Variants in PARN observed in about 807,000 individuals in gnomAD.
PARN encodes poly(A)-specific ribonuclease, also known as poly(A)-specific ribonuclease PARN.
Under a neutral mutation model 102.8 loss-of-function variants are expected in PARN, and 71 were observed. That is an observed-to-expected ratio of 0.69 (90% confidence interval 0.57 to 0.84). The LOEUF (loss-of-function observed/expected upper bound fraction) is 0.84, where lower values mean the gene tolerates loss of function less well. PARN is among the 40% of genes least tolerant of loss of function. PARN has a pLI of 0.00. For missense variants in PARN, 782 were observed against 760.9 expected (o/e 1.03, Z -0.33); for synonymous variants, 261 against 252.9 (o/e 1.03, Z -0.30).
intron 21 of PARN, among the ~76,000 whole-genome samples, chr16:14,551,300 G>A (rs1024302003): frequency 2.0e-5 from 3 of 151,746 alleles, no homozygotes; most frequent in Non-Finnish European, 2.9e-5. Flanking sequence ...TGGGCATTGT[G>A]GCTCATGCCT....
In PARN at chr16:14,542,804, G is replaced by A. The variant is rs369290105; in HGVS notation, c.1480+9217C>T. Among the ~76,000 whole-genome samples, 18 of 152,192 alleles carry A rather than the reference G, an allele frequency of 1.2e-4. No homozygotes were observed. The East Asian group carries it at 3.3e-3, about 28-fold the overall frequency. On this transcript the variant is annotated intron_variant, in intron 21 of 23. Transcript: ENST00000437198. Reference sequence around the variant, plus strand: ...TGAAGAAGACAAAGAAACGAACACAGAAAAAAGGAACAGAGCATTAGGAAA... The same window carrying A: ...TGAAGAAGACAAAGAAACGAACACAAAAAAAAGGAACAGAGCATTAGGAAA...
At chr16:14,539,714 T>A (rs1966767686) in intron 21 of PARN, among the ~76,000 whole-genome samples, 1 of 152,234 alleles carries the variant, frequency 6.6e-6, no homozygotes, top group South Asian at 2.1e-4. Context: ...TAATAATGAT[T>A]CTCCTATAGC....
chr16:14,629,772 GA>G, intron 1 of PARN, 98 bp from the exon 2 acceptor site: 1 of 936,742 alleles, frequency 1.1e-6, no homozygotes, highest in Non-Finnish European at 1.7e-6. Flanking sequence ...CTGAGAGCCG[GA>G]AGGGGAAAAG....
At chr16:14,494,364 G>T (rs924359326) in intron 21 of PARN, among the ~76,000 whole-genome samples, 1 of 152,172 alleles carries the variant, frequency 6.6e-6, no homozygotes, top group African/African-American at 2.4e-5. Flanking sequence ...CATCACCCAC[G>T]GGCTGAGGGT....
At chr16:14,479,721 T>G (rs745961248) in intron 22 of PARN, among the ~76,000 whole-genome samples, 2 of 152,056 alleles carry the variant, frequency 1.3e-5, no homozygotes, top group African/African-American at 2.4e-5. Flanking sequence ...ACACGATCAG[T>G]TGATTCTTGA....
rs376772075 is a variant in PARN at position 14,436,694 on chromosome 16, G to T, written c.*23C>A. The T allele has an allele frequency of 5.7e-6, 9 of 1,573,794 alleles. No individual in the cohort carries two copies. Among genetic ancestry groups the T allele is most frequent in the Non-Finnish European group, 6.9e-6 (8 of 1,152,710 alleles). ...TCTTGCTCACAGCGACAGCACCAGC[G>T]GTTTGCTGCCCTCAGGTCTTGGTTA... On this transcript the variant is annotated 3_prime_UTR_variant, in exon 24 of 24. Transcript: ENST00000437198.
Position 14,447,991 on chromosome 16 carries a change from CTAAT to C in PARN, c.1671-914_1671-911del, listed in dbSNP as rs1398682246. ...CTATCTATCTATCTATCTATCTAAT[CTAAT>C]TATTTTTGAGACACAGTCTTGCTCT... On this transcript the variant is annotated intron_variant, in intron 22 of 23. Transcript: ENST00000437198. Among the ~76,000 whole-genome samples, 5 of 148,834 alleles carry C rather than the reference CTAAT, an allele frequency of 3.4e-5. No individual in the cohort carries two copies. The East Asian group carries it at 5.9e-4, about 18-fold the overall frequency.
chr16:14,592,577 A>C (rs761459423), intron 13 of PARN, among the ~76,000 whole-genome samples: 1 of 152,136 alleles, frequency 6.6e-6, no homozygotes, highest in Non-Finnish European at 1.5e-5. Context: ...AGGACTGAAA[A>C]ATGCACTACT....
intron 21 of PARN, among the ~76,000 whole-genome samples, chr16:14,518,884 TG>T (rs1178252349): frequency 6.6e-6 from 1 of 152,146 alleles, no homozygotes; most frequent in African/African-American, 2.4e-5. Context: ...TGTCTCCAAC[TG>T]GGGGCATAAG....
intron 21 of PARN, among the ~76,000 whole-genome samples, chr16:14,538,049 C>T (rs962306217): frequency 1.3e-5 from 2 of 151,978 alleles, no homozygotes; most frequent in African/African-American, 2.4e-5. Context: ...CTCTGAATCC[C>T]ATAAATATGT....
At chr16:14,507,935 C>A (rs1313263484) in intron 21 of PARN, among the ~76,000 whole-genome samples, 1 of 152,154 alleles carries the variant, frequency 6.6e-6, no homozygotes, top group Non-Finnish European at 1.5e-5. Flanking sequence ...GAGAACATTT[C>A]TCAACTGTTA....
At chr16:14,612,271 T>C (rs987209890) in intron 6 of PARN, among the ~76,000 whole-genome samples, 4 of 151,958 alleles carry the variant, frequency 2.6e-5, no homozygotes, top group Non-Finnish European at 4.4e-5. Flanking sequence ...ACCCCGTCTC[T>C]ACTAAAAATA....
intron 22 of PARN, among the ~76,000 whole-genome samples, chr16:14,451,347 A>C (rs1961436704): frequency 1.3e-5 from 2 of 152,168 alleles, no homozygotes; most frequent in African/African-American, 2.4e-5. Context: ...GAGGACTTTA[A>C]CTCGTTCATC....
At chr16:14,571,972 T>C (rs927738084) in intron 18 of PARN, among the ~76,000 whole-genome samples, 2 of 152,122 alleles carry the variant, frequency 1.3e-5, no homozygotes, top group Admixed American at 1.3e-4. Context: ...TGGAAATGAA[T>C]CCTATGGAGT....
chr16:14,619,399 T>C (rs905454314), intron 5 of PARN, among the ~76,000 whole-genome samples: 4 of 150,856 alleles, frequency 2.7e-5, no homozygotes, highest in African/African-American at 9.8e-5. Context: ...CAGGAGTTTG[T>C]GTGACCAGCC....
At chr16:14,544,273 T>C (rs1449582517) in intron 21 of PARN, among the ~76,000 whole-genome samples, 1 of 151,880 alleles carries the variant, frequency 6.6e-6, no homozygotes, top group African/African-American at 2.4e-5. Flanking sequence ...CTAGAATAAA[T>C]AGAAGGAAAA....
intron 16 of PARN, among the ~76,000 whole-genome samples, chr16:14,583,363 C>A (rs549586580): frequency 3.3e-5 from 5 of 152,296 alleles, no homozygotes; most frequent in Admixed American, 1.3e-4. Flanking sequence ...AAGGCTGTAA[C>A]TGTTTTTATG....
At chr16:14,522,242 A>C (rs1366531567) in intron 21 of PARN, among the ~76,000 whole-genome samples, 1 of 152,218 alleles carries the variant, frequency 6.6e-6, no homozygotes, top group Non-Finnish European at 1.5e-5. Flanking sequence ...TTTGCACATC[A>C]AGAACCAAAC....
intron 21 of PARN, among the ~76,000 whole-genome samples, chr16:14,541,011 CCAAA>C (rs1966824631): frequency 6.6e-6 from 1 of 151,866 alleles, no homozygotes; most frequent in Non-Finnish European, 1.5e-5. Flanking sequence ...CAGATTTCGG[CCAAA>C]CACAGTGGCT....
Sources: allele counts gnomAD v4.1 joint callset (sites outside exome capture counted in the v4.1 genomes callset), GRCh38; gene constraint gnomAD v4.1.1; transcripts MANE v1.5; gene names NCBI Gene and HGNC (gene_info 2026-07-23, HGNC 2026-07-21).